SASH1: variants seen among roughly 807,000 people sequenced by gnomAD.
The protein encoded by SASH1 is SAM and SH3 domain-containing protein 1.
A neutral mutation model predicts 125.2 loss-of-function variants in SASH1; 44 were observed. That is an observed-to-expected ratio of 0.35 (90% CI 0.28 to 0.45). SASH1 has a LOEUF of 0.45. Ranked by LOEUF, SASH1 falls within the 20% of genes least tolerant of loss-of-function variation. The probability of loss-of-function intolerance (pLI) is 1.00; values close to 1 mark genes in which losing one functional copy is unlikely to be tolerated. For synonymous variants in SASH1, 639 were observed against 649.1 expected, an observed-to-expected ratio of 0.98 and a Z score of 0.24; for missense variants, 1,426 against 1,614.5, an observed-to-expected ratio of 0.88 and a Z score of 2.00.
intron 1 of SASH1, among the ~76,000 whole-genome samples, chr6:148,382,403 C>T (rs1783176480): frequency 6.6e-6 from 1 of 152,170 alleles, no homozygotes; most frequent in African/African-American, 2.4e-5. Context: ...GATTCTCCAG[C>T]CTCAGCCTCC....
At chr6:148,467,394 GCTTT>G (rs927118847) in intron 4 of SASH1, among the ~76,000 whole-genome samples, 3 of 151,860 alleles carry the variant, frequency 2.0e-5, no homozygotes, top group African/African-American at 7.3e-5. Context: ...TGGCTTTCCC[GCTTT>G]CTTTCTTTAA....
At chr6:148,215,993 G>A in the SASH1 span, among the ~76,000 whole-genome samples, 1 of 152,046 alleles carries the variant, frequency 6.6e-6, no homozygotes. Flanking sequence ...AAGTAGCTGG[G>A]ATTACAGGCG....
chr6:148,309,083 C>CAAAAAA (rs1780224244), intron 1 of SASH1, among the ~76,000 whole-genome samples: 1 of 35,962 alleles, frequency 2.8e-5, no homozygotes, highest in African/African-American at 1.6e-4. Flanking sequence ...GACTCTGTCT[C>CAAAAAA]CAAAAAAAAA....
intron 1 of SASH1, among the ~76,000 whole-genome samples, chr6:148,378,603 G>T (rs911586061): frequency 6.6e-6 from 1 of 152,136 alleles, no homozygotes; most frequent in Non-Finnish European, 1.5e-5. Flanking sequence ...CAAGTGATCC[G>T]CCTGCCTTAA....
the SASH1 span, among the ~76,000 whole-genome samples, chr6:148,205,518 A>G: frequency 6.6e-6 from 1 of 152,196 alleles, no homozygotes; most frequent in Non-Finnish European, 1.5e-5. Context: ...ACTCAGGCCA[A>G]GTAGGTGTTT....
intron 8 of SASH1, among the ~76,000 whole-genome samples, chr6:148,508,102 G>A (rs1298655837): frequency 6.6e-6 from 1 of 152,126 alleles, no homozygotes; most frequent in African/African-American, 2.4e-5. Context: ...GCTCTGAAAT[G>A]GGCATTAAAA....
At chr6:148,273,681 G>A (rs1038600512) in intron 1 of SASH1, among the ~76,000 whole-genome samples, 8 of 152,168 alleles carry the variant, frequency 5.3e-5, no homozygotes, top group Admixed American at 2.0e-4. Context: ...GAGTCTGAGA[G>A]CCCAACCACT....
At chr6:148,483,121 A>G (rs1275639202) in intron 7 of SASH1, among the ~76,000 whole-genome samples, 2 of 152,300 alleles carry the variant, frequency 1.3e-5, no homozygotes, top group Non-Finnish European at 1.5e-5. Context: ...TTATAAAGAA[A>G]GGAGGTTTAT....
At position 148,549,406 on chromosome 6, in the gene SASH1, TGTGC is replaced by T. The variant is rs901919909; in HGVS notation, c.*862_*865del. On this transcript the variant is annotated 3_prime_UTR_variant, in exon 20 of 20. Coordinates refer to ENST00000367467, the MANE Select transcript of SASH1 (RefSeq NM_015278.5). ...ATCTGAAATTCACAAATATCATGTGTGTGCGTGCGTGCGTGCGCGTGTGTGTCTG... is the reference window on the plus strand; with the variant it reads ...ATCTGAAATTCACAAATATCATGTGTGTGCGTGCGTGCGCGTGTGTGTCTG... The T allele has an allele frequency of 2.5e-4, 97 of 388,024 alleles. No individual in the cohort carries two copies. Among genetic ancestry groups the T allele is most frequent in the Middle Eastern group, 6.5e-4 (1 of 1,532 alleles). 24.0% of individuals were successfully genotyped at this position (388,024 alleles called of 1,614,324 possible).
chr6:148,500,310 T>C (rs1779512217), intron 8 of SASH1, among the ~76,000 whole-genome samples: 1 of 152,078 alleles, frequency 6.6e-6, no homozygotes, highest in Admixed American at 6.6e-5. Context: ...GGCCATGATA[T>C]ATGGTGAAAT....
At chr6:148,383,291 T>C (rs912798452) in intron 1 of SASH1, among the ~76,000 whole-genome samples, 18 of 152,232 alleles carry the variant, frequency 1.2e-4, no homozygotes, top group African/African-American at 4.3e-4. Flanking sequence ...TTAGGTTTCA[T>C]TGTACCATAG....
At chr6:148,263,930 A>G in the SASH1 span, among the ~76,000 whole-genome samples, 2 of 152,130 alleles carry the variant, frequency 1.3e-5, no homozygotes, top group Non-Finnish European at 2.9e-5. Context: ...TATATTGGGG[A>G]TGCTAAGAGC....
chr6:148,195,723 C>G, the SASH1 span, among the ~76,000 whole-genome samples: 1 of 152,208 alleles, frequency 6.6e-6, no homozygotes, highest in Non-Finnish European at 1.5e-5. Flanking sequence ...ATTAGCCTCT[C>G]TTACGCGCCT....
intron 1 of SASH1, among the ~76,000 whole-genome samples, chr6:148,364,417 C>A (rs1782368787): frequency 6.6e-6 from 1 of 151,964 alleles, no homozygotes; most frequent in South Asian, 2.1e-4. Context: ...GTGGAGAGGA[C>A]CATACTCAAT....
At chr6:148,535,568 T>G (rs75804488) in intron 16 of SASH1, among the ~76,000 whole-genome samples, 1 of 152,254 alleles carries the variant, frequency 6.6e-6, no homozygotes, top group Non-Finnish European at 1.5e-5. Context: ...TCCGTATCGA[T>G]TGGCTTGCAA....
chr6:148,539,022 T>C (rs1173032698), intron 16 of SASH1, among the ~76,000 whole-genome samples: 1 of 152,156 alleles, frequency 6.6e-6, no homozygotes, highest in Non-Finnish European at 1.5e-5. Context: ...TGCTAGGGTG[T>C]TGAAGGCCCT....
Position 148,533,972 on chromosome 6 carries a change from A to G in SASH1, c.1936A>G (p.Asn646Asp). The G allele has an allele frequency of 6.2e-7, 1 of 1,613,834 alleles. No individual in the cohort carries two copies. The highest frequency in any genetic ancestry group is 8.5e-7 in the Non-Finnish European group (1 of 1,179,754). ...TGTGGAGGATCTCCTGGATCGGATT[A>G]ACCTAAAAGTCAGTCGCTTCTGATT... Reference protein sequence around the residue: ...KSVEDLLDRINLKEHMPTFLF... With the variant: ...KSVEDLLDRIDLKEHMPTFLF... The change falls in exon 15 of 20, where the codon AAC becomes GAC. Residue 646 changes from asparagine to aspartate, a missense_variant. Asn to Asp is a conservative substitution (Grantham distance 23). This residue lies in a region of SASH1 where 225 missense variants were observed against 344.5 expected (regional missense o/e 0.65). Coordinates refer to ENST00000367467, the MANE Select transcript of SASH1 (RefSeq NM_015278.5). The surrounding 1 kb of genome is among the most constrained non-coding windows in gnomAD (Gnocchi z 6.2).
At chr6:148,423,834 C>T (rs117695022) in intron 2 of SASH1, among the ~76,000 whole-genome samples, 2,445 of 152,092 alleles carry the variant, frequency 0.016, 28 homozygotes, top group Middle Eastern at 0.041. Context: ...TTTGGAAGGT[C>T]GTCTGTTTCA....
At chr6:148,210,748 A>G in the SASH1 span, among the ~76,000 whole-genome samples, 1 of 152,172 alleles carries the variant, frequency 6.6e-6, no homozygotes, top group Non-Finnish European at 1.5e-5. Context: ...TAGTTTGGTC[A>G]TTATAATCTG....
Sources: allele counts gnomAD v4.1 joint callset (sites outside exome capture counted in the v4.1 genomes callset), GRCh38; gene constraint gnomAD v4.1.1; regional missense constraint gnomAD v4.1.1; non-coding constraint Gnocchi (gnomAD v3.1); transcripts MANE v1.5; gene names NCBI Gene and HGNC (gene_info 2026-07-23, HGNC 2026-07-21).